CCSER1: variants seen among roughly 807,000 people sequenced by gnomAD.
CCSER1 encodes the protein serine-rich coiled-coil domain-containing protein 1.
CCSER1 carries 41 observed loss-of-function variants against 82.0 expected under a neutral mutation model. The ratio of observed to expected loss-of-function variants is 0.50; its 90% CI spans 0.39 to 0.65. The LOEUF (loss-of-function observed/expected upper bound fraction) is 0.65, where lower values mean the gene tolerates loss of function less well. CCSER1 is among the 30% of genes least tolerant of loss of function. The probability of loss-of-function intolerance (pLI) is 0.00; values close to 1 mark genes in which losing one functional copy is unlikely to be tolerated. For synonymous variants in CCSER1, 414 were observed against 383.9 expected, an observed-to-expected ratio of 1.08 and a Z score of -0.92; for missense variants, 1,119 against 1,064.2, an observed-to-expected ratio of 1.05 and a Z score of -0.72.
chr4:90,276,243 TTTCTTTCTTTCCTTCCTTCC>T (rs1417277391), intron 1 of CCSER1, among the ~76,000 whole-genome samples: 191 of 108,346 alleles, frequency 1.8e-3, no homozygotes, highest in East Asian at 3.9e-3. Context: ...TCTTTCTTTC[TTTCTTTCTTTCCTTCCTTCC>T]TTCCTTCCTT....
At chr4:91,260,232 G>C (rs949310320) in intron 10 of CCSER1, among the ~76,000 whole-genome samples, 1 of 152,100 alleles carries the variant, frequency 6.6e-6, no homozygotes, top group African/African-American at 2.4e-5. Flanking sequence ...ATAGAAAGCT[G>C]AGGAGAAAAA....
rs183790326 is a variant in CCSER1, at chr4:91,266,304, G to A, written c.2217+180310G>A. On this transcript the variant is annotated intron_variant, in intron 10 of 10. Transcript: ENST00000509176. ...TCTCACTCTGTTGGCCCAGGCTGGT[G>A]TGCAGTGGCATGATCTCGGCTCACT... 1.3e-4 allele frequency among the ~76,000 whole-genome samples: 20 copies of A among 151,886 alleles called. No individual in the cohort carries two copies. In the East Asian group the frequency reaches 3.9e-3, roughly 30 times the overall value.
At chr4:91,133,214 AC>A (rs1336164360) in intron 10 of CCSER1, among the ~76,000 whole-genome samples, 1 of 149,234 alleles carries the variant, frequency 6.7e-6, no homozygotes, top group African/African-American at 2.5e-5. Flanking sequence ...TTCTCTTCCT[AC>A]CCCCTCCTCT....
At chr4:91,524,949 T>G (rs1468539423) in intron 10 of CCSER1, among the ~76,000 whole-genome samples, 1 of 152,050 alleles carries the variant, frequency 6.6e-6, no homozygotes, top group African/African-American at 2.4e-5. Context: ...ATAAATTATT[T>G]TCATTAGGAA....
chr4:91,231,693 T>C (rs1367885658), intron 10 of CCSER1, among the ~76,000 whole-genome samples: 2 of 151,940 alleles, frequency 1.3e-5, no homozygotes, highest in South Asian at 2.1e-4. Flanking sequence ...GATAGTTATA[T>C]ATATAAAGTT....
chr4:91,040,528 C>G (rs1741868811), intron 9 of CCSER1, among the ~76,000 whole-genome samples: 1 of 152,026 alleles, frequency 6.6e-6, no homozygotes, highest in African/African-American at 2.4e-5. Flanking sequence ...AGTCTAGAAT[C>G]TAAAGAAGGA....
At chr4:90,752,417 G>A (rs1403546562) in intron 7 of CCSER1, among the ~76,000 whole-genome samples, 1 of 152,024 alleles carries the variant, frequency 6.6e-6, no homozygotes, top group Non-Finnish European at 1.5e-5. Context: ...TCACAGGAGG[G>A]GAGTCTTTCT....
At chr4:91,097,438 T>A (rs1724618654) in intron 10 of CCSER1, among the ~76,000 whole-genome samples, 1 of 152,184 alleles carries the variant, frequency 6.6e-6, no homozygotes, top group Non-Finnish European at 1.5e-5. Context: ...ATGACTCAGA[T>A]CTCTTAAAGT....
chr4:90,985,685 G>T (rs1437116416), intron 9 of CCSER1, among the ~76,000 whole-genome samples: 1 of 151,466 alleles, frequency 6.6e-6, no homozygotes. Flanking sequence ...CATCTGAATG[G>T]CATGTCTCTT....
chr4:90,543,308 C>T (rs1294169479), intron 5 of CCSER1, among the ~76,000 whole-genome samples: 1 of 152,116 alleles, frequency 6.6e-6, no homozygotes, highest in Non-Finnish European at 1.5e-5. Context: ...TTTCATTTTT[C>T]ACTGCCAGGT....
intron 9 of CCSER1, among the ~76,000 whole-genome samples, chr4:90,941,728 A>T (rs1287890278): frequency 6.6e-6 from 1 of 152,192 alleles, no homozygotes; most frequent in Admixed American, 6.5e-5. Context: ...GTAATCACCA[A>T]TATTATATGC....
chr4:91,369,954 A>G (rs530932506), intron 10 of CCSER1, among the ~76,000 whole-genome samples: 51 of 151,898 alleles, frequency 3.4e-4, no homozygotes, highest in African/African-American at 1.2e-3. Context: ...TGCTGGGATT[A>G]TAGGCATGAG....
chr4:90,752,197 C>G (rs1748771240), intron 7 of CCSER1, among the ~76,000 whole-genome samples: 1 of 152,122 alleles, frequency 6.6e-6, no homozygotes, highest in Admixed American at 6.6e-5. Context: ...TGAGGAGAAA[C>G]AGACTCAAAT....
chr4:90,359,667 G>A (rs1343873060), intron 3 of CCSER1, among the ~76,000 whole-genome samples: 3 of 151,894 alleles, frequency 2.0e-5, no homozygotes, highest in Admixed American at 6.6e-5. Flanking sequence ...AAACCAGGAG[G>A]TGGAGGTTGC....
At chr4:90,156,589 A>T (rs1340889212) in intron 1 of CCSER1, among the ~76,000 whole-genome samples, 1 of 152,298 alleles carries the variant, frequency 6.6e-6, no homozygotes, top group East Asian at 1.9e-4. Context: ...TAGGATAGTT[A>T]GCTCTTCTTG....
intron 10 of CCSER1, among the ~76,000 whole-genome samples, chr4:91,591,821 A>G (rs1324194497): frequency 6.6e-6 from 1 of 152,172 alleles, no homozygotes; most frequent in African/African-American, 2.4e-5. Flanking sequence ...TTGCAGCCAT[A>G]CAATATCTCC....
chr4:90,788,259 C>G (rs1754781656), intron 7 of CCSER1, among the ~76,000 whole-genome samples: 1 of 151,970 alleles, frequency 6.6e-6, no homozygotes, highest in Non-Finnish European at 1.5e-5. Context: ...CAGATATCAA[C>G]TCAATTACTT....
chr4:90,313,072 C>G (rs544931632), intron 3 of CCSER1, 25 bp downstream of exon 3: 107 of 1,536,964 alleles, frequency 7.0e-5, no homozygotes, highest in Non-Finnish European at 9.3e-5. Context: ...ATGTCTGCCT[C>G]TAATAAAATA....
intron 3 of CCSER1, among the ~76,000 whole-genome samples, chr4:90,319,886 A>C: frequency 6.6e-6 from 1 of 152,342 alleles, no homozygotes; most frequent in Admixed American, 6.5e-5. Context: ...AGCCATATGA[A>C]TCATTCTCCT....
Sources: allele counts gnomAD v4.1 joint callset (sites outside exome capture counted in the v4.1 genomes callset), GRCh38; gene constraint gnomAD v4.1.1; transcripts MANE v1.5; gene names NCBI Gene and HGNC (gene_info 2026-07-23, HGNC 2026-07-21).